The following ZDHHC15 variants were observed in gnomAD, a reference collection of about 807,000 sequenced individuals.
ZDHHC15 encodes the protein palmitoyltransferase ZDHHC15.
ZDHHC15 carries 19 observed loss-of-function variants against 31.7 expected under a neutral mutation model. That is an observed-to-expected ratio of 0.60 (90% CI 0.42 to 0.88). ZDHHC15 has a LOEUF of 0.88. Among genes scored for constraint, ZDHHC15 ranks in the 40% least tolerant of loss-of-function variants. The probability of loss-of-function intolerance (pLI) is 0.00; values close to 1 mark genes in which losing one functional copy is unlikely to be tolerated. For synonymous variants in ZDHHC15, 103 were observed against 90.0 expected (o/e 1.14, Z -0.82); for missense variants, 209 against 251.2 (o/e 0.83, Z 1.14).
chrX:75,474,873 C>T (rs1356394869), intron 3 of ZDHHC15, among the ~76,000 whole-genome samples: 9 of 109,188 alleles, frequency 8.2e-5, no homozygotes, highest in South Asian at 4.0e-4. Flanking sequence ...CTGGCTAACA[C>T]GGTGAAACCC....
intron 2 of ZDHHC15, 73 bp downstream of exon 2, chrX:75,505,748 C>T: frequency 2.6e-6 from 3 of 1,155,329 alleles, no homozygotes; most frequent in Non-Finnish European, 3.5e-6. Context: ...GGTCTATAGG[C>T]TTTTATGTTA....
At chrX:75,388,977 A>G (rs1361401834) in intron 10 of ZDHHC15, among the ~76,000 whole-genome samples, 1 of 111,644 alleles carries the variant, frequency 9.0e-6, no homozygotes, top group Non-Finnish European at 1.9e-5. Flanking sequence ...ACAGTCTTGA[A>G]TTGCCTACAC....
At chrX:75,449,007 A>G (rs978362795) in intron 4 of ZDHHC15, among the ~76,000 whole-genome samples, 2 of 110,738 alleles carry the variant, frequency 1.8e-5, no homozygotes, top group Non-Finnish European at 3.8e-5. Context: ...GCCTGACTGC[A>G]TGAGCTGAGA....
At chrX:75,513,750 C>A (rs2085313017) in intron 1 of ZDHHC15, among the ~76,000 whole-genome samples, 1 of 110,869 alleles carries the variant, frequency 9.0e-6, no homozygotes, top group Non-Finnish European at 1.9e-5. Flanking sequence ...TGAATCTAAA[C>A]ATCCAAGAAG....
At position 75,369,213 on chromosome X, in the gene ZDHHC15, T is replaced by A. The variant is rs1186259448; in HGVS notation, c.*3765A>T. On this transcript the variant is annotated 3_prime_UTR_variant, in exon 12 of 12. Coordinates refer to ENST00000373367, the MANE Select transcript of ZDHHC15 (RefSeq NM_144969.3). ...AATCTAATGTTCTTCACATGCTGTG[T>A]TTCTTAGACTCTTTTTCTAAAAGGA... 8.9e-6 allele frequency: 1 copy of A among 112,041 alleles called. No homozygotes were observed. The highest frequency in any genetic ancestry group is 1.9e-5 in the Non-Finnish European group (1 of 53,238). 9.2% of individuals were successfully genotyped at this position (112,041 alleles called of 1,213,427 possible). A position where few individuals can be genotyped will look rare whatever the true frequency, so the allele number is the denominator to read the frequency against.
intron 1 of ZDHHC15, among the ~76,000 whole-genome samples, chrX:75,516,869 A>T (rs907452223): frequency 1.8e-5 from 2 of 112,287 alleles, no homozygotes; most frequent in Non-Finnish European, 1.9e-5. Context: ...GAATCTACAA[A>T]GAACTCAAAC....
At chrX:75,382,156 C>A (rs781781737) in intron 10 of ZDHHC15, among the ~76,000 whole-genome samples, 5 of 112,272 alleles carry the variant, frequency 4.5e-5, no homozygotes, top group African/African-American at 6.5e-5. Flanking sequence ...CCTGCAACTG[C>A]AAACTCCTTG....
chrX:75,500,331 C>T (rs1014932604), intron 2 of ZDHHC15, among the ~76,000 whole-genome samples: 1 of 108,758 alleles, frequency 9.2e-6, no homozygotes, highest in Non-Finnish European at 1.9e-5. Flanking sequence ...ATGAAATACT[C>T]GGAGATCATT....
chrX:75,517,292 G>A (rs1430175820), intron 1 of ZDHHC15, among the ~76,000 whole-genome samples: 1 of 111,195 alleles, frequency 9.0e-6, no homozygotes, highest in African/African-American at 3.3e-5. Flanking sequence ...GCACAAGTAT[G>A]TTTATTGCGG....
At chrX:75,398,789 G>A (rs1479802466) in intron 10 of ZDHHC15, among the ~76,000 whole-genome samples, 1 of 110,341 alleles carries the variant, frequency 9.1e-6, no homozygotes, top group Non-Finnish European at 1.9e-5. Context: ...ACCCATTCCA[G>A]CCTTTGGGCT....
At chrX:75,455,407 T>C (rs2084201697) in intron 3 of ZDHHC15, among the ~76,000 whole-genome samples, 1 of 111,536 alleles carries the variant, frequency 9.0e-6, no homozygotes, top group South Asian at 3.7e-4. Context: ...CCTAAAACCA[T>C]AAAAACCCTA....
chrX:75,427,210 C>G (rs762972148), intron 7 of ZDHHC15, among the ~76,000 whole-genome samples: 1 of 111,258 alleles, frequency 9.0e-6, no homozygotes, highest in African/African-American at 3.3e-5. Flanking sequence ...TCTGAACTGT[C>G]AATGCCCTTT....
chrX:75,494,948 T>C lies in ZDHHC15; in HGVS notation c.163+10873A>G, dbSNP rs779275660. ...ATTGACAAATGGGATCTAATTCAAC[T>C]AAAGATCTTCTGCACAGCAAAAGAA... On this transcript the variant is annotated intron_variant, in intron 2 of 11. Coordinates refer to ENST00000373367, the MANE Select transcript of ZDHHC15 (RefSeq NM_144969.3). 9.8e-5 allele frequency among the ~76,000 whole-genome samples: 11 copies of C among 111,867 alleles called. No homozygotes were observed. The East Asian group carries it at 3.1e-3, about 32-fold the overall frequency.
At chrX:75,467,708 G>T (rs1163959821) in intron 3 of ZDHHC15, among the ~76,000 whole-genome samples, 1 of 112,328 alleles carries the variant, frequency 8.9e-6, no homozygotes, top group African/African-American at 3.2e-5. Flanking sequence ...TGGCCTACAA[G>T]CTTCATAAGG....
intron 4 of ZDHHC15, among the ~76,000 whole-genome samples, chrX:75,449,439 ACC>A (rs1255574166): frequency 9.0e-6 from 1 of 111,608 alleles, no homozygotes; most frequent in Non-Finnish European, 1.9e-5. Flanking sequence ...AAGTACCATT[ACC>A]CAGATTCAAC....
At chrX:75,489,052 C>T (rs993650564) in intron 2 of ZDHHC15, among the ~76,000 whole-genome samples, 1 of 111,696 alleles carries the variant, frequency 9.0e-6, no homozygotes, top group African/African-American at 3.3e-5. Context: ...GGAGGAGTGC[C>T]CGCCATTGCC....
chrX:75,452,833 A>T (rs1164299618), intron 3 of ZDHHC15, among the ~76,000 whole-genome samples: 1 of 112,063 alleles, frequency 8.9e-6, no homozygotes, highest in African/African-American at 3.2e-5. Context: ...TTTGAAACCA[A>T]TGAGAACAAA....
Position 75,371,540 on chromosome X carries a change from C to T in ZDHHC15, c.*1438G>A, listed in dbSNP as rs1338579171. The T allele has an allele frequency of 2.7e-5, 3 of 111,738 alleles. No individual in the cohort carries two copies. The highest frequency in any genetic ancestry group is 3.8e-5 in the Non-Finnish European group (2 of 53,173). 9.2% of individuals were successfully genotyped at this position (111,738 alleles called of 1,213,427 possible). A position where few individuals can be genotyped will look rare whatever the true frequency, so the allele number is the denominator to read the frequency against. On this transcript the variant is annotated 3_prime_UTR_variant, in exon 12 of 12. Transcript: ENST00000373367. ...GTTCACTTTCTCAGCTCCACTGGAACCCCAACACTAAATTGTGGCAGGCAA... is the reference window on the plus strand; with the variant it reads ...GTTCACTTTCTCAGCTCCACTGGAATCCCAACACTAAATTGTGGCAGGCAA...
In ZDHHC15 at chrX:75,371,507, G is replaced by T. The variant is rs745858957; in HGVS notation, c.*1471C>A. On this transcript the variant is annotated 3_prime_UTR_variant, in exon 12 of 12. Transcript: ENST00000373367. Reference sequence around the variant, plus strand: ...ACAGGTTTTGTTGTTGCTTTAAGTAGCTGGATTGTTCACTTTCTCAGCTCC... The same window carrying T: ...ACAGGTTTTGTTGTTGCTTTAAGTATCTGGATTGTTCACTTTCTCAGCTCC... 8.9e-6 allele frequency: 1 copy of T among 111,975 alleles called. No homozygotes were observed. Among genetic ancestry groups the T allele is most frequent in the East Asian group, 2.8e-4 (1 of 3,558 alleles). 9.2% of individuals were successfully genotyped at this position (111,975 alleles called of 1,213,427 possible). A position where few individuals can be genotyped will look rare whatever the true frequency, so the allele number is the denominator to read the frequency against.
Sources: allele counts gnomAD v4.1 joint callset (sites outside exome capture counted in the v4.1 genomes callset), GRCh38; gene constraint gnomAD v4.1.1; transcripts MANE v1.5; gene names NCBI Gene and HGNC (gene_info 2026-07-23, HGNC 2026-07-21).